Variants in ACAD10 observed in about 807,000 individuals in gnomAD.
ACAD10 encodes ACAD-10.
In ACAD10, 112 loss-of-function variants were observed where a neutral mutation model predicts 116.8. That is an observed-to-expected ratio of 0.96 (90% confidence interval 0.82 to 1.12). ACAD10 has a LOEUF of 1.12. Ranked by LOEUF, ACAD10 falls within the 50% of genes most tolerant of loss-of-function variation. ACAD10 has a pLI of 0.00. For synonymous variants in ACAD10, 486 were observed against 510.6 expected (o/e 0.95, Z 0.65); for missense variants, 1,259 against 1,350.2 (o/e 0.93, Z 1.06).
intron 3 of ACAD10, 113 bp from the exon 4 acceptor site, chr12:111,705,625 C>T (rs1474094352): frequency 2.1e-6 from 2 of 966,248 alleles, no homozygotes; most frequent in African/African-American, 1.6e-5. Flanking sequence ...AGCCTGGGCT[C>T]TTGTAGCAGA....
intron 4 of ACAD10, 42 bp from the exon 5 acceptor site, chr12:111,709,484 A>G: frequency 8.1e-6 from 12 of 1,472,872 alleles, no homozygotes; most frequent in Non-Finnish European, 1.1e-5. Flanking sequence ...TGGGAGCTCC[A>G]CCTTTCGGGA....
intron 2 of ACAD10, 47 bp from the exon 3 acceptor site, chr12:111,702,115 C>T: frequency 1.3e-6 from 2 of 1,592,376 alleles, no homozygotes; most frequent in Non-Finnish European, 1.7e-6. Context: ...CCCTAAACCC[C>T]AGCATGTATC....
intron 4 of ACAD10, among the ~76,000 whole-genome samples, chr12:111,708,151 T>C (rs920801873): frequency 6.6e-6 from 1 of 152,224 alleles, no homozygotes; most frequent in Non-Finnish European, 1.5e-5. Context: ...CCACAGTTCC[T>C]GCTTTGCCAA....
intron 2 of ACAD10, among the ~76,000 whole-genome samples, chr12:111,697,728 G>C (rs1178832331): frequency 6.6e-6 from 1 of 151,660 alleles, no homozygotes; most frequent in African/African-American, 2.4e-5. Flanking sequence ...TGGGACTGCA[G>C]GCATCCACCA....
intron 19 of ACAD10, among the ~76,000 whole-genome samples, chr12:111,754,589 C>T (rs1464663003): frequency 2.6e-5 from 4 of 151,918 alleles, no homozygotes; most frequent in Non-Finnish European, 5.9e-5. Context: ...AGCCTCCAAC[C>T]CCACCCAAGA....
intron 9 of ACAD10, among the ~76,000 whole-genome samples, chr12:111,728,662 C>T (rs903041480): frequency 6.6e-6 from 1 of 152,080 alleles, no homozygotes. Flanking sequence ...CATGTGCCAC[C>T]GTGTCCAGTT....
chr12:111,709,409 T>C lies in ACAD10; in HGVS notation c.532-117T>C. 5 of 845,904 alleles carry C rather than the reference T, an allele frequency of 5.9e-6. No individual in the cohort carries two copies. The South Asian group carries it at 9.4e-5, about 16-fold the overall frequency. 52.4% of individuals were successfully genotyped at this position (845,904 alleles called of 1,614,324 possible). On this transcript the variant is annotated intron_variant, in intron 4 of 20. Coordinates refer to ENST00000313698, the MANE Select transcript of ACAD10 (RefSeq NM_025247.6). ...TATATCATAACACTCTTAAATTACT[T>C]GTTATAATAAATCTCAACTGTCCTT...
chr12:111,715,991 G>C, intron 7 of ACAD10, 29 bp downstream of exon 7: 1 of 1,613,488 alleles, frequency 6.2e-7, no homozygotes, highest in Non-Finnish European at 8.5e-7. Context: ...GGGAGCACTT[G>C]CCCACTAGCC....
Position 111,720,541 on chromosome 12 carries a change from TC to T in ACAD10, c.993-1127del, listed in dbSNP as rs371456500. ...CTTGCAGTTGTATCATTTTCAAATG[TC>T]CCTCTTTATCTCTGGTGGTACACTG... On this transcript the variant is annotated intron_variant, in intron 7 of 20. Transcript: ENST00000313698. Among the ~76,000 whole-genome samples, 12 of 152,316 alleles carry T rather than the reference TC, an allele frequency of 7.9e-5. No individual in the cohort carries two copies. The East Asian group carries it at 1.4e-3, about 17-fold the overall frequency.
At chr12:111,707,288 G>A (rs1888540734) in intron 4 of ACAD10, among the ~76,000 whole-genome samples, 1 of 149,896 alleles carries the variant, frequency 6.7e-6, no homozygotes. Context: ...TAGAGACTGG[G>A]TTTCACCCTG....
chr12:111,716,445 C>T (rs971813185), intron 7 of ACAD10, among the ~76,000 whole-genome samples: 1 of 152,286 alleles, frequency 6.6e-6, no homozygotes, highest in East Asian at 1.9e-4. Flanking sequence ...AAAGCCTCAG[C>T]GTTTTCATAC....
At position 111,692,775 on chromosome 12, in the gene ACAD10, A is replaced by T. The variant is rs752904406; in HGVS notation, c.66A>T (p.Lys22Asn). The T allele has an allele frequency of 1.2e-6, 2 of 1,613,914 alleles. No individual in the cohort carries two copies. The highest frequency in any genetic ancestry group is 1.3e-5 in the African/African-American group (1 of 74,912). ...GGGTGTGGAGAACAGCCTTCCTGAA[A>T]CACACCCAGCGCAGGCACCAGGGGT... ...LQWVWRTAFL[K>N]HTQRRHQGSH... The change falls in exon 2 of 21, where the codon AAA (lysine) becomes AAT (asparagine). Residue 22 changes from lysine (K) to asparagine (N), a missense_variant. Lys to Asn is a moderately conservative substitution (Grantham distance 94). Coordinates refer to ENST00000313698, the MANE Select transcript of ACAD10 (RefSeq NM_025247.6).
chr12:111,688,478 A>G (rs955460829), intron 1 of ACAD10, among the ~76,000 whole-genome samples: 23 of 151,906 alleles, frequency 1.5e-4, no homozygotes, highest in Non-Finnish European at 2.1e-4. Context: ...ACACCCTCCT[A>G]TATGCTTTAA....
rs1157772094 is a variant in ACAD10, at chr12:111,756,500, T to C, written c.*27T>C. ...GCCTTGGGGCTGCAGTGGCTCAATGTCCTGGCTGGTCCAGCTGTGCCCAGA... is the reference window on the plus strand; with the variant it reads ...GCCTTGGGGCTGCAGTGGCTCAATGCCCTGGCTGGTCCAGCTGTGCCCAGA... On this transcript the variant is annotated 3_prime_UTR_variant, in exon 21 of 21. Coordinates refer to ENST00000313698, the MANE Select transcript of ACAD10 (RefSeq NM_025247.6). The C allele has an allele frequency of 1.2e-6, 2 of 1,608,214 alleles. No homozygotes were observed. The highest frequency in any genetic ancestry group is 1.7e-6 in the Non-Finnish European group (2 of 1,178,874).
intron 8 of ACAD10, among the ~76,000 whole-genome samples, chr12:111,726,486 C>CT (rs1330022833): frequency 6.6e-6 from 1 of 152,062 alleles, no homozygotes; most frequent in Non-Finnish European, 1.5e-5. Flanking sequence ...TAATTCATTT[C>CT]TTTTTTTAAG....
rs531436807 is a variant in ACAD10, at chr12:111,725,556, A to G, written c.1062-2406A>G. 9.8e-5 allele frequency among the ~76,000 whole-genome samples: 14 copies of G among 143,038 alleles called. No homozygotes were observed. In the South Asian group the frequency reaches 2.7e-3, roughly 27 times the overall value. 93.8% of individuals were successfully genotyped at this position (143,038 alleles called of 152,430 possible). On this transcript the variant is annotated intron_variant, in intron 8 of 20. Transcript: ENST00000313698. Reference sequence around the variant, plus strand: ...TTCTTCTTCTTCTTTTTTTTTTGAGATGGAGTCTCACTCTGTTGCCCAGGC... The same window carrying G: ...TTCTTCTTCTTCTTTTTTTTTTGAGGTGGAGTCTCACTCTGTTGCCCAGGC...
At chr12:111,747,269 C>CT (rs1174898585) in intron 15 of ACAD10, 26 bp from the exon 16 acceptor site, 1 of 1,613,940 alleles carries the variant, frequency 6.2e-7, no homozygotes, top group Admixed American at 1.7e-5. Flanking sequence ...GCTGGCGTCT[C>CT]TGACTGGAAT....
chr12:111,711,894 A>G (rs1888696429), intron 5 of ACAD10, among the ~76,000 whole-genome samples: 1 of 152,208 alleles, frequency 6.6e-6, no homozygotes, highest in Admixed American at 6.5e-5. Flanking sequence ...TTTAGTCTAA[A>G]TATTTGCCTT....
intron 8 of ACAD10, among the ~76,000 whole-genome samples, chr12:111,724,624 G>A (rs1193442697): frequency 6.6e-6 from 1 of 152,176 alleles, no homozygotes; most frequent in Non-Finnish European, 1.5e-5. Flanking sequence ...CCAACACAGC[G>A]AAACCCCGTC....
Sources: allele counts gnomAD v4.1 joint callset (sites outside exome capture counted in the v4.1 genomes callset), GRCh38; gene constraint gnomAD v4.1.1; transcripts MANE v1.5; gene names NCBI Gene and HGNC (gene_info 2026-07-23, HGNC 2026-07-21).